ANKRD28: variants seen among roughly 807,000 people sequenced by gnomAD.
The protein encoded by ANKRD28 is ankyrin repeat domain 28.
ANKRD28 carries 44 observed loss-of-function variants against 126.5 expected under a neutral mutation model. The observed-to-expected ratio is 0.35, with a 90% CI of 0.27 to 0.45. The LOEUF (loss-of-function observed/expected upper bound fraction) is 0.45, where lower values mean the gene tolerates loss of function less well. Ranked by LOEUF, ANKRD28 falls within the 20% of genes least tolerant of loss-of-function variation. The pLI, the probability that ANKRD28 is intolerant of heterozygous loss-of-function variation, is 1.00. For missense variants in ANKRD28, 1,110 were observed against 1,316.6 expected (o/e 0.84, Z 2.43); for synonymous variants, 442 against 468.5 (o/e 0.94, Z 0.73).
chr3:15,822,486 A>T (rs1193772151), intron 1 of ANKRD28, among the ~76,000 whole-genome samples: 2 of 152,270 alleles, frequency 1.3e-5, no homozygotes, highest in Non-Finnish European at 1.5e-5. Flanking sequence ...GGGAGGGGGA[A>T]ACATTGGCTC....
At position 15,705,679 on chromosome 3, in the gene ANKRD28, A is replaced by G. The variant is rs1031304322; in HGVS notation, c.1547+2245T>C. 3.3e-5 allele frequency among the ~76,000 whole-genome samples: 5 copies of G among 152,326 alleles called. No homozygotes were observed. In the South Asian group the frequency reaches 1.0e-3, roughly 32 times the overall value. Reference sequence around the variant, plus strand: ...AAAAACATACTTTATATTCTTGCAAATAAAATACACATTACTATTGCCTTT... The same window carrying G: ...AAAAACATACTTTATATTCTTGCAAGTAAAATACACATTACTATTGCCTTT... On this transcript the variant is annotated intron_variant, in intron 14 of 27. Coordinates refer to ENST00000683139, the MANE Select transcript of ANKRD28 (RefSeq NM_001349278.2).
chr3:15,712,203 A>G lies in ANKRD28; in HGVS notation c.1210T>C (p.Phe404Leu), dbSNP rs772553701. 5 of 1,583,964 alleles carry G rather than the reference A, an allele frequency of 3.2e-6. No individual in the cohort carries two copies. The highest frequency in any genetic ancestry group is 2.3e-5 in the South Asian group (2 of 86,344). ...DTAKRGIHGM[F>L]PLHLAALSGF... The stretch of plus-strand genomic sequence containing the variant: ...CTTAAGGCTGCCAAATGGAGGGGGA[A>G]CATTCCATGTATGCCACGCCTAAAG... The change falls in exon 11 of 28, where the codon TTC becomes CTC. Residue 404 changes from phenylalanine (F) to leucine (L), a missense_variant. Transcript: ENST00000683139.
At chr3:15,859,458 C>CGCT in exon 1 of ANKRD28, 2 of 1,473,102 alleles carry the variant, frequency 1.4e-6, no homozygotes, top group Non-Finnish European at 1.8e-6. Context: ...CTGCCGCTGC[C>CGCT]GCCGCCGACC....
chr3:15,736,198 A>G (rs1337612163), intron 5 of ANKRD28, among the ~76,000 whole-genome samples: 1 of 152,222 alleles, frequency 6.6e-6, no homozygotes, highest in African/African-American at 2.4e-5. Context: ...ATTTTGAGAG[A>G]TAGACTACAT....
chr3:15,676,951 T>C (rs745648754), intron 26 of ANKRD28, 23 bp downstream of exon 26: 12 of 1,585,082 alleles, frequency 7.6e-6, no homozygotes, highest in African/African-American at 4.0e-5. Context: ...ACAAAGTTTA[T>C]ACTAGATACT....
intron 1 of ANKRD28, among the ~76,000 whole-genome samples, chr3:15,825,960 A>G (rs1401827857): frequency 6.6e-6 from 1 of 152,188 alleles, no homozygotes; most frequent in Non-Finnish European, 1.5e-5. Context: ...GTTTGAGAGT[A>G]AAGAATGACT....
In ANKRD28 at chr3:15,735,437, G is replaced by A. The variant is rs371624017; in HGVS notation, c.613C>T (p.Arg205Cys). ...ATATATGCTGCCCAATGGATAGCAC[G>A]CCTATCTTTCTTGTCAAAAGCATTA... ...NINAFDKKDR[R>C]AIHWAAYMGH... Residue 205 changes from arginine (R) to cysteine (C), a missense_variant, in exon 6 of 28, where the codon CGT (arginine) becomes TGT (cysteine). Physicochemically the swap from Arg to Cys is radical, Grantham distance 180. Coordinates refer to ENST00000683139, the MANE Select transcript of ANKRD28 (RefSeq NM_001349278.2). 93 of 1,559,650 alleles carry A rather than the reference G, an allele frequency of 6.0e-5. No homozygotes were observed. The highest frequency in any genetic ancestry group is 9.6e-5 in the Admixed American group (5 of 52,262).
intron 18 of ANKRD28, among the ~76,000 whole-genome samples, chr3:15,687,299 ACT>A (rs770591054): frequency 4.6e-5 from 7 of 151,984 alleles, no homozygotes; most frequent in Non-Finnish European, 8.8e-5. Flanking sequence ...TCAGTAGGGT[ACT>A]CTGTTATTTA....
At chr3:15,717,464 T>A (rs1203084220) in intron 8 of ANKRD28, among the ~76,000 whole-genome samples, 2 of 151,694 alleles carry the variant, frequency 1.3e-5, no homozygotes, top group African/African-American at 2.4e-5. Flanking sequence ...GGAGAAACAA[T>A]GTGGAGTTTT....
chr3:15,712,255 T>C (rs1296128792), intron 10 of ANKRD28, 33 bp from the exon 11 acceptor site: 10 of 1,494,924 alleles, frequency 6.7e-6, no homozygotes, highest in Non-Finnish European at 8.2e-6. Context: ...GTATCTTCAT[T>C]TTAACACAAG....
At chr3:15,696,101 A>C (rs2069510339) in intron 15 of ANKRD28, 33 bp downstream of exon 15, 1 of 1,378,610 alleles carries the variant, frequency 7.3e-7, no homozygotes, top group East Asian at 2.4e-5. Context: ...ATAAACTCCC[A>C]TTAGGTCTTT....
intron 8 of ANKRD28, among the ~76,000 whole-genome samples, chr3:15,716,917 G>A (rs1430926631): frequency 1.3e-5 from 2 of 152,046 alleles, no homozygotes; most frequent in Admixed American, 1.3e-4. Flanking sequence ...AGCTATGATG[G>A]TGCCACTGCA....
intron 2 of ANKRD28, among the ~76,000 whole-genome samples, chr3:15,789,479 G>T (rs1286040692): frequency 6.6e-6 from 1 of 151,882 alleles, no homozygotes; most frequent in African/African-American, 2.4e-5. Flanking sequence ...GTACAGGAGA[G>T]TCTCTTTTCC....
intron 2 of ANKRD28, among the ~76,000 whole-genome samples, chr3:15,787,620 A>G (rs10510443): frequency 0.49 from 74,623 of 152,036 alleles, 20,302 homozygotes; most frequent in Non-Finnish European, 0.6. Context: ...CCATGTACAC[A>G]CATATGGTTT....
At position 15,830,759 on chromosome 3, in the gene ANKRD28, T is replaced by C. The variant is rs79813899; in HGVS notation, c.27+28618A>G. On this transcript the variant is annotated intron_variant, in intron 1 of 27. Coordinates refer to the ANKRD28 transcript ENST00000399451. This position sits in a 1 kb window ranked among gnomAD's most constrained non-coding sequence, Gnocchi z 4.5. ...TCCTGCTTGATAAAGAGTCGTTGTTTACCTGGGGGCTTTGGTCCATGACAG... is the reference window on the plus strand; with the variant it reads ...TCCTGCTTGATAAAGAGTCGTTGTTCACCTGGGGGCTTTGGTCCATGACAG... 2.0e-5 allele frequency among the ~76,000 whole-genome samples: 3 copies of C among 152,186 alleles called. No homozygotes were observed. The highest frequency in any genetic ancestry group is 3.9e-4 in the East Asian group (2 of 5,150).
chr3:15,672,779 T>C (rs2066507806), intron 27 of ANKRD28, among the ~76,000 whole-genome samples: 1 of 152,112 alleles, frequency 6.6e-6, no homozygotes, highest in Non-Finnish European at 1.5e-5. Context: ...CTCCTCTGCA[T>C]GGGGGTTATT....
At chr3:15,710,969 C>T (rs998831580) in intron 12 of ANKRD28, among the ~76,000 whole-genome samples, 8 of 152,098 alleles carry the variant, frequency 5.3e-5, no homozygotes, top group Non-Finnish European at 1.0e-4. Context: ...TGTTCTTTTA[C>T]AGAAGGCAGT....
intron 2 of ANKRD28, among the ~76,000 whole-genome samples, chr3:15,772,637 C>T (rs975585463): frequency 1.3e-5 from 2 of 152,142 alleles, no homozygotes; most frequent in African/African-American, 2.4e-5. Context: ...ATATAATCAT[C>T]GCATTTAACA....
intron 2 of ANKRD28, among the ~76,000 whole-genome samples, chr3:15,786,463 G>A (rs2059783622): frequency 6.6e-6 from 1 of 152,060 alleles, no homozygotes; most frequent in African/African-American, 2.4e-5. Context: ...GTAATTACCA[G>A]GGAGAGGAGG....
Sources: allele counts gnomAD v4.1 joint callset (sites outside exome capture counted in the v4.1 genomes callset), GRCh38; gene constraint gnomAD v4.1.1; non-coding constraint Gnocchi (gnomAD v3.1); transcripts MANE v1.5; gene names NCBI Gene and HGNC (gene_info 2026-07-23, HGNC 2026-07-21).